The following PCLO variants were observed in gnomAD, a reference collection of about 807,000 sequenced individuals.
The protein encoded by PCLO is piccolo presynaptic cytomatrix protein.
PCLO carries 82 observed loss-of-function variants against 427.5 expected under a neutral mutation model. The ratio of observed to expected loss-of-function variants is 0.19; its 90% CI spans 0.16 to 0.23. The LOEUF (loss-of-function observed/expected upper bound fraction) is 0.23, where lower values mean the gene tolerates loss of function less well. Ranked by LOEUF, PCLO falls within the 10% of genes least tolerant of loss-of-function variation. The pLI, the probability that PCLO is intolerant of heterozygous loss-of-function variation, is 1.00. For synonymous variants in PCLO, 2,357 were observed against 2,155.4 expected, an observed-to-expected ratio of 1.09 and a Z score of -2.59; for missense variants, 6,239 against 6,115.9, an observed-to-expected ratio of 1.02 and a Z score of -0.67.
chr7:82,851,992 A>G (rs760813330), intron 10 of PCLO, among the ~76,000 whole-genome samples: 1 of 152,100 alleles, frequency 6.6e-6, no homozygotes, highest in Non-Finnish European at 1.5e-5. Context: ...ATCTATTTAT[A>G]TATTAACATA....
intron 3 of PCLO, among the ~76,000 whole-genome samples, chr7:83,035,880 C>T (rs1266394612): frequency 6.6e-6 from 1 of 152,096 alleles, no homozygotes; most frequent in African/African-American, 2.4e-5. Context: ...AGGTTAGCCC[C>T]GTTTTTATTA....
At chr7:82,906,055 G>A (rs77666592) in intron 8 of PCLO, among the ~76,000 whole-genome samples, 1,744 of 127,240 alleles carry the variant, frequency 0.014, 40 homozygotes, top group African/African-American at 0.047. Context: ...AGATAGATAG[G>A]TACACACACA....
chr7:82,824,222 A>C lies in PCLO; in HGVS notation c.14596+14T>G. 1 of 1,571,082 alleles carries C rather than the reference A, an allele frequency of 6.4e-7. No homozygotes were observed. Among genetic ancestry groups the C allele is most frequent in the East Asian group, 2.3e-5 (1 of 43,746 alleles). ...AGACACAAAACTTTTTCTACTTAAA[A>C]AAATATTTCCTACCCTTTGATGGGT... On this transcript the variant is annotated intron_variant, in intron 19 of 24. Transcript: ENST00000333891.
rs968836265 is a variant in PCLO at position 83,003,081 on chromosome 7, T to A, written c.3301-36594A>T. On this transcript the variant is annotated intron_variant, in intron 3 of 24. Coordinates refer to ENST00000333891, the MANE Select transcript of PCLO (RefSeq NM_033026.6). ...TTTAAGTGTTAAACTACAATTGGATTTCTACAGGTGGTTTTCAATTTTTTT... is the reference window on the plus strand; with the variant it reads ...TTTAAGTGTTAAACTACAATTGGATATCTACAGGTGGTTTTCAATTTTTTT... Among the ~76,000 whole-genome samples the A allele has an allele frequency of 2.0e-5, 3 of 151,450 alleles. No homozygotes were observed. The South Asian group carries it at 6.2e-4, about 31-fold the overall frequency.
intron 3 of PCLO, among the ~76,000 whole-genome samples, chr7:83,023,135 C>CAAAA (rs1788387403): frequency 6.6e-6 from 1 of 152,006 alleles, no homozygotes; most frequent in Non-Finnish European, 1.5e-5. Flanking sequence ...CAAAAAAAGT[C>CAAAA]AATTTTAAAA....
rs750340676 is a variant in PCLO at position 83,155,869 on chromosome 7, T to G, written c.772A>C (p.Ile258Leu). 20 of 1,613,862 alleles carry G rather than the reference T, an allele frequency of 1.2e-5. No individual in the cohort carries two copies. The highest frequency in any genetic ancestry group is 1.4e-5 in the Non-Finnish European group (17 of 1,179,894). ...TGAGGAGTCTGGGTAGGACCCTGAA[T>G]TGGCTTTCCTGTACCTGGAGGTTGT... ...KSQPPGTGKP[I>L]QGPTQTPQTD... is the part of the protein sequence containing the mutation. The change falls in exon 2 of 25, where the codon ATT becomes CTT. Residue 258 changes from isoleucine to leucine, a missense_variant. This residue lies in a region of PCLO where 4,677 missense variants were observed against 4,468.4 expected (regional missense o/e 1.05). Transcript: ENST00000333891.
Position 82,833,003 on chromosome 7 carries a change from C to T in PCLO, c.14249+2664G>A, listed in dbSNP as rs1438129395. Among the ~76,000 whole-genome samples, 3 of 152,146 alleles carry T rather than the reference C, an allele frequency of 2.0e-5. No homozygotes were observed. In the East Asian group the frequency reaches 5.8e-4, roughly 29 times the overall value. Reference sequence around the variant, plus strand: ...TCTGATGGCAGAGACTATATGGCTACATTGTCAATTGTAACCCCTGCACCT... The same window carrying T: ...TCTGATGGCAGAGACTATATGGCTATATTGTCAATTGTAACCCCTGCACCT... On this transcript the variant is annotated intron_variant, in intron 16 of 24. Transcript: ENST00000333891.
In PCLO at chr7:82,805,582, A is replaced by G. The variant is rs1289549099; in HGVS notation, c.14933+106T>C. The G allele has an allele frequency of 1.1e-5, 11 of 1,037,590 alleles. No individual in the cohort carries two copies. The East Asian group carries it at 2.9e-4, about 27-fold the overall frequency. 64.3% of individuals were successfully genotyped at this position (1,037,590 alleles called of 1,614,324 possible). A position where few individuals can be genotyped will look rare whatever the true frequency, so the allele number is the denominator to read the frequency against. ...TAACAGTTCAAGTGTCTCAGGGACA[A>G]TGACTCAGAATTGGGTAATTATCCA... On this transcript the variant is annotated intron_variant, in intron 21 of 24. Transcript: ENST00000333891.
At chr7:83,140,409 T>C (rs920829786) in intron 2 of PCLO, among the ~76,000 whole-genome samples, 8 of 152,292 alleles carry the variant, frequency 5.3e-5, no homozygotes, top group African/African-American at 1.9e-4. Flanking sequence ...ATAATTCTGT[T>C]GGTGTTCTTA....
At chr7:82,796,786 T>A (rs1279783315) in intron 22 of PCLO, among the ~76,000 whole-genome samples, 1 of 148,274 alleles carries the variant, frequency 6.7e-6, no homozygotes, top group Non-Finnish European at 1.5e-5. Flanking sequence ...GCATGCTTAC[T>A]GGCTGCTGAT....
chr7:83,024,433 C>G (rs902391279), intron 3 of PCLO, among the ~76,000 whole-genome samples: 1 of 152,202 alleles, frequency 6.6e-6, no homozygotes, highest in Non-Finnish European at 1.5e-5. Flanking sequence ...GATTATATCC[C>G]GCACGTGGCT....
At chr7:83,130,215 T>A (rs1222489935) in intron 3 of PCLO, among the ~76,000 whole-genome samples, 1 of 152,166 alleles carries the variant, frequency 6.6e-6, no homozygotes, top group East Asian at 1.9e-4. Context: ...AGTCTCTCTG[T>A]GTTGTCCACG....
Position 82,757,955 on chromosome 7 carries a change from T to G in PCLO, c.*620A>C, listed in dbSNP as rs548123741. On this transcript the variant is annotated 3_prime_UTR_variant, in exon 25 of 25. Coordinates refer to ENST00000333891, the MANE Select transcript of PCLO (RefSeq NM_033026.6). ...CCAAAGTCAGTGTTGTATATGCTTG[T>G]AACATTTAGACACAGAGAAAACTGG... 3 of 151,996 alleles carry G rather than the reference T, an allele frequency of 2.0e-5. No individual in the cohort carries two copies. The highest frequency in any genetic ancestry group is 2.9e-5 in the Non-Finnish European group (2 of 67,920). 9.4% of individuals were successfully genotyped at this position (151,996 alleles called of 1,614,324 possible). A position where few individuals can be genotyped will look rare whatever the true frequency, so the allele number is the denominator to read the frequency against.
intron 3 of PCLO, among the ~76,000 whole-genome samples, chr7:82,977,730 A>C (rs1488169043): frequency 6.6e-6 from 1 of 152,120 alleles, no homozygotes; most frequent in Non-Finnish European, 1.5e-5. Context: ...TCATCTATTA[A>C]ACAAGTGTGG....
At chr7:83,076,138 A>T (rs940260597) in intron 3 of PCLO, among the ~76,000 whole-genome samples, 1 of 136,850 alleles carries the variant, frequency 7.3e-6, no homozygotes, top group Non-Finnish European at 1.6e-5. Flanking sequence ...AAAAAAAAAA[A>T]CTCATACCTT....
intron 9 of PCLO, among the ~76,000 whole-genome samples, chr7:82,889,884 T>C (rs1010044145): frequency 6.6e-6 from 1 of 152,078 alleles, no homozygotes; most frequent in African/African-American, 2.4e-5. Flanking sequence ...TATATTACAA[T>C]GTACTTTCAA....
At chr7:82,889,629 T>C (rs998906912) in intron 9 of PCLO, among the ~76,000 whole-genome samples, 1 of 152,126 alleles carries the variant, frequency 6.6e-6, no homozygotes, top group Non-Finnish European at 1.5e-5. Flanking sequence ...CTTCTGTAAA[T>C]ATATTGTAAG....
chr7:83,015,404 A>T (rs1249541721), intron 3 of PCLO, among the ~76,000 whole-genome samples: 2 of 151,558 alleles, frequency 1.3e-5, no homozygotes, highest in Non-Finnish European at 2.9e-5. Context: ...ACTACATGAG[A>T]TTTCTTTTCT....
At chr7:83,034,809 G>C (rs1788755198) in intron 3 of PCLO, among the ~76,000 whole-genome samples, 1 of 152,082 alleles carries the variant, frequency 6.6e-6, no homozygotes, top group Non-Finnish European at 1.5e-5. Context: ...TACCAAACTT[G>C]TTCATTGATT....
Sources: allele counts gnomAD v4.1 joint callset (sites outside exome capture counted in the v4.1 genomes callset), GRCh38; gene constraint gnomAD v4.1.1; regional missense constraint gnomAD v4.1.1; transcripts MANE v1.5; gene names NCBI Gene and HGNC (gene_info 2026-07-23, HGNC 2026-07-21).